Variants in KNTC1 observed in about 807,000 individuals in gnomAD.
KNTC1 encodes the protein kinetochore associated 1, also known as kinetochore-associated protein 1.
A neutral mutation model predicts 314.4 loss-of-function variants in KNTC1; 253 were observed. The ratio of observed to expected loss-of-function variants is 0.80; its 90% CI spans 0.73 to 0.89. The LOEUF (loss-of-function observed/expected upper bound fraction) is 0.89, where lower values mean the gene tolerates loss of function less well. KNTC1 is among the 40% of genes least tolerant of loss of function. The pLI is 0.00. For missense variants in KNTC1, 2,475 were observed against 2,572.9 expected (o/e 0.96, Z 0.82); for synonymous variants, 901 against 901.4 (o/e 1.00, Z 0.01).
chr12:122,535,636 C>CT (rs1961737933), intron 3 of KNTC1, among the ~76,000 whole-genome samples: 2 of 151,496 alleles, frequency 1.3e-5, no homozygotes, highest in South Asian at 2.1e-4. Flanking sequence ...GAGCAAAACT[C>CT]TGTCTCCAAA....
intron 42 of KNTC1, 112 bp downstream of exon 42, chr12:122,591,565 C>A: frequency 1.5e-6 from 1 of 661,972 alleles, no homozygotes; most frequent in East Asian, 2.8e-5. Context: ...TGTGTACTGC[C>A]TCATACATTT....
intron 51 of KNTC1, among the ~76,000 whole-genome samples, chr12:122,608,349 C>T (rs773167645): frequency 7.9e-5 from 12 of 152,116 alleles, no homozygotes; most frequent in South Asian, 2.1e-4. Flanking sequence ...AGGCTGATCT[C>T]GAACTCCTGA....
chr12:122,557,807 A>C, intron 18 of KNTC1, 118 bp downstream of exon 18: 2 of 686,324 alleles, frequency 2.9e-6, no homozygotes, highest in Non-Finnish European at 4.9e-6. Flanking sequence ...TTATTAATAA[A>C]AAAGTTTTTA....
intron 61 of KNTC1, 110 bp from the exon 62 acceptor site, chr12:122,622,352 C>T: frequency 9.6e-7 from 1 of 1,042,188 alleles, no homozygotes; most frequent in Non-Finnish European, 1.4e-6. Flanking sequence ...TTCCGATTGT[C>T]AGAAATGTTT....
chr12:122,542,751 C>T lies in KNTC1; in HGVS notation c.523+624C>T, dbSNP rs550347586. Among the ~76,000 whole-genome samples the T allele has an allele frequency of 1.5e-4, 22 of 150,138 alleles. 1 individual carries two copies. Among genetic ancestry groups the T allele is most frequent in the Admixed American group, 9.3e-4 (14 of 15,118 alleles). On this transcript the variant is annotated intron_variant, in intron 6 of 63. Coordinates refer to ENST00000333479, the MANE Select transcript of KNTC1 (RefSeq NM_014708.6). The stretch of plus-strand genomic sequence containing the variant: ...TGCACTCCAGCCTGGGCAGCAAGAG[C>T]GAAACTCTGTCTCAAAAAAAAAAAT...
chr12:122,545,405 C>T (rs955806250), intron 8 of KNTC1, among the ~76,000 whole-genome samples: 2 of 151,174 alleles, frequency 1.3e-5, no homozygotes, highest in Non-Finnish European at 2.9e-5. Context: ...CAGTGAGATC[C>T]TGTCTCTAAA....
At chr12:122,605,538 G>A (rs902171507) in intron 51 of KNTC1, 123 bp downstream of exon 51, 7 of 543,982 alleles carry the variant, frequency 1.3e-5, no homozygotes, top group Non-Finnish European at 2.0e-5. Context: ...CTTCAAAGAA[G>A]GAAGTTTCTT....
At chr12:122,541,168 T>C (rs1486788044) in intron 5 of KNTC1, among the ~76,000 whole-genome samples, 12 of 151,472 alleles carry the variant, frequency 7.9e-5, no homozygotes, top group Admixed American at 7.2e-4. Flanking sequence ...GCCTGGGAGA[T>C]AGATTGAGAC....
At chr12:122,600,564 A>G (rs984407123) in intron 44 of KNTC1, among the ~76,000 whole-genome samples, 7 of 152,186 alleles carry the variant, frequency 4.6e-5, no homozygotes, top group African/African-American at 1.2e-4. Context: ...TTCTGTTCCA[A>G]TTTTCCCATC....
chr12:122,584,471 C>T (rs747376655), intron 35 of KNTC1, 21 bp downstream of exon 35: 34 of 1,562,954 alleles, frequency 2.2e-5, no homozygotes, highest in East Asian at 1.1e-4. Context: ...TTATAATATA[C>T]GTAGTTTTAT....
At chr12:122,570,996 T>C in intron 23 of KNTC1, 29 bp from the exon 24 acceptor site, 1 of 1,606,058 alleles carries the variant, frequency 6.2e-7, no homozygotes, top group Middle Eastern at 1.7e-4. Flanking sequence ...TAAAACATTG[T>C]TTTGAACTGT....
At chr12:122,620,914 G>A (rs1014308063) in intron 60 of KNTC1, among the ~76,000 whole-genome samples, 1 of 152,252 alleles carries the variant, frequency 6.6e-6, no homozygotes, top group Non-Finnish European at 1.5e-5. Flanking sequence ...ATTAACCCAT[G>A]TAGGCTTGGA....
Position 122,580,889 on chromosome 12 carries a change from G to A in KNTC1, c.2982+219G>A, listed in dbSNP as rs989925743. Among the ~76,000 whole-genome samples the A allele has an allele frequency of 1.2e-4, 19 of 152,208 alleles. No homozygotes were observed. In the East Asian group the frequency reaches 2.5e-3, roughly 20 times the overall value. The stretch of plus-strand genomic sequence containing the variant: ...TAAAAATACAAAAAATTAGCCAGGC[G>A]TGGTGGCACTCACCTGTAGTCCCAG... On this transcript the variant is annotated intron_variant, in intron 33 of 63. Coordinates refer to ENST00000333479, the MANE Select transcript of KNTC1 (RefSeq NM_014708.6).
intron 53 of KNTC1, among the ~76,000 whole-genome samples, chr12:122,611,955 G>A (rs1165589026): frequency 6.6e-6 from 1 of 151,688 alleles, no homozygotes; most frequent in Non-Finnish European, 1.5e-5. Flanking sequence ...TCCACTGTTG[G>A]TTGATTCCAC....
chr12:122,536,021 AT>A (rs1195943056), intron 3 of KNTC1, among the ~76,000 whole-genome samples: 1 of 147,510 alleles, frequency 6.8e-6, no homozygotes, highest in Non-Finnish European at 1.5e-5. Context: ...AGCCTCCTGA[AT>A]AGCTGGGACT....
At chr12:122,580,502 T>G in intron 32 of KNTC1, 101 bp from the exon 33 acceptor site, 1 of 688,094 alleles carries the variant, frequency 1.5e-6, no homozygotes, top group Non-Finnish European at 2.5e-6. Flanking sequence ...ACTGAAGACT[T>G]GAGATGAGAG....
At chr12:122,581,989 G>C (rs1868470974) in intron 33 of KNTC1, among the ~76,000 whole-genome samples, 1 of 152,038 alleles carries the variant, frequency 6.6e-6, no homozygotes, top group Admixed American at 6.6e-5. Flanking sequence ...GCAGCCCCTG[G>C]TTATCTCTAC....
At chr12:122,620,389 G>C in intron 59 of KNTC1, 90 bp from the exon 60 acceptor site, 1 of 1,207,572 alleles carries the variant, frequency 8.3e-7, no homozygotes, top group Non-Finnish European at 1.2e-6. Flanking sequence ...TTGAAAACTT[G>C]GACAGGCAGA....
intron 42 of KNTC1, 143 bp downstream of exon 42, chr12:122,591,596 G>C: frequency 3.6e-6 from 2 of 553,624 alleles, no homozygotes. Flanking sequence ...ACACATAGGT[G>C]CTTTCAAAGA....
Sources: allele counts gnomAD v4.1 joint callset (sites outside exome capture counted in the v4.1 genomes callset), GRCh38; gene constraint gnomAD v4.1.1; transcripts MANE v1.5; gene names NCBI Gene and HGNC (gene_info 2026-07-23, HGNC 2026-07-21).